DERA: variants seen among roughly 807,000 people sequenced by gnomAD.
DERA encodes the protein 2-deoxy-D-ribose 5-phosphate aldolase.
DERA carries 15 observed loss-of-function variants against 41.1 expected under a neutral mutation model. That is an observed-to-expected ratio of 0.37 (90% confidence interval 0.24 to 0.56). The LOEUF (loss-of-function observed/expected upper bound fraction) is 0.56. DERA is among the 20% of genes least tolerant of loss of function. DERA has a pLI of 0.81. For missense variants in DERA, 396 were observed against 403.4 expected, an observed-to-expected ratio of 0.98 and a Z score of 0.16; for synonymous variants, 139 against 137.4, an observed-to-expected ratio of 1.01 and a Z score of -0.08.
rs561920974 is a variant in DERA, at chr12:15,985,350, G to C, written c.637+2914G>C. ...GTATTTCACTGTGTAAGTATACTGA[G>C]TTGCTAAAATTGTTGGCATAATGTT... On this transcript the variant is annotated intron_variant, in intron 6 of 8. Coordinates refer to ENST00000428559, the MANE Select transcript of DERA (RefSeq NM_015954.4). This position sits in a 1 kb window ranked among gnomAD's most constrained non-coding sequence, Gnocchi z 4.2. The C allele has an allele frequency of 6.6e-6, 1 of 152,290 alleles. No individual in the cohort carries two copies. The highest frequency in any genetic ancestry group is 1.5e-5 in the Non-Finnish European group (1 of 68,024). The allele number at this position is 152,290 out of a possible 1,614,324, so 9.4% of individuals were successfully genotyped here.
intron 5 of DERA, among the ~76,000 whole-genome samples, chr12:15,978,433 T>A (rs1199818079): frequency 6.6e-6 from 1 of 152,244 alleles, no homozygotes; most frequent in Non-Finnish European, 1.5e-5. Context: ...TAGTATTGAA[T>A]GATTAACTGC....
rs1278189460 is a variant in DERA, at chr12:15,931,024, A to T, written c.31+19610A>T. On this transcript the variant is annotated intron_variant, in intron 1 of 8. Transcript: ENST00000428559. The surrounding 1 kb of genome is among the most constrained non-coding windows in gnomAD (Gnocchi z 4.6). Reference sequence around the variant, plus strand: ...TTGTTTCTTCTTTTTTTGAGAGCTTAATATACTTATTTAAATTTAAATGAA... The same window carrying T: ...TTGTTTCTTCTTTTTTTGAGAGCTTTATATACTTATTTAAATTTAAATGAA... 6.6e-6 allele frequency among the ~76,000 whole-genome samples: 1 copy of T among 152,216 alleles called. No individual in the cohort carries two copies. Among genetic ancestry groups the T allele is most frequent in the Non-Finnish European group, 1.5e-5 (1 of 68,040 alleles).
chr12:15,926,626 C>A (rs189927678), intron 1 of DERA, among the ~76,000 whole-genome samples: 3,314 of 151,698 alleles, frequency 0.022, 136 homozygotes, highest in African/African-American at 0.076. Context: ...GTCCCAGCTA[C>A]TCGGGAGGCT....
At chr12:15,960,661 A>AAAAAAC (rs1565596964) in intron 4 of DERA, among the ~76,000 whole-genome samples, 2 of 150,760 alleles carry the variant, frequency 1.3e-5, no homozygotes, top group Admixed American at 6.6e-5. Context: ...AAAAAAAAAA[A>AAAAAAC]AACAACGATA....
intron 5 of DERA, among the ~76,000 whole-genome samples, chr12:15,971,642 G>A (rs776326089): frequency 2.5e-4 from 38 of 150,732 alleles, no homozygotes; most frequent in Non-Finnish European, 5.0e-4. Context: ...TCAGCGTCCC[G>A]AGTAGCTGGA....
At chr12:15,919,970 A>G (rs1031021912) in intron 1 of DERA, among the ~76,000 whole-genome samples, 24 of 148,166 alleles carry the variant, frequency 1.6e-4, no homozygotes, top group Non-Finnish European at 4.5e-5. Context: ...TGAGAAAGAA[A>G]TGTGTGTGTG....
intron 6 of DERA, among the ~76,000 whole-genome samples, chr12:16,002,560 C>T (rs749557678): frequency 1.3e-5 from 2 of 151,942 alleles, no homozygotes; most frequent in South Asian, 2.1e-4. Flanking sequence ...TTTATAGTCA[C>T]GTACTCATCT....
At position 16,003,699 on chromosome 12, in the gene DERA, T is replaced by G. The variant is rs557871715; in HGVS notation, c.637+21263T>G. On this transcript the variant is annotated intron_variant, in intron 6 of 8. Coordinates refer to ENST00000428559, the MANE Select transcript of DERA (RefSeq NM_015954.4). The surrounding 1 kb of genome is among the most constrained non-coding windows in gnomAD (Gnocchi z 4.8). ...TTGGGGGAGCGCCAGGAAACAAGAGTGTCAATTTCTGGCTCATGAGTGAGA... is the reference window on the plus strand; with the variant it reads ...TTGGGGGAGCGCCAGGAAACAAGAGGGTCAATTTCTGGCTCATGAGTGAGA... Among the ~76,000 whole-genome samples the G allele has an allele frequency of 6.6e-6, 1 of 151,828 alleles. No homozygotes were observed. The highest frequency in any genetic ancestry group is 2.1e-4 in the South Asian group (1 of 4,800).
intron 1 of DERA, among the ~76,000 whole-genome samples, chr12:15,951,986 C>A (rs1379822951): frequency 6.6e-6 from 1 of 151,970 alleles, no homozygotes; most frequent in Non-Finnish European, 1.5e-5. Context: ...ACTGCAACCT[C>A]CGCCTCCCAG....
chr12:15,955,268 CA>C (rs1231153101), intron 1 of DERA, among the ~76,000 whole-genome samples: 1 of 151,164 alleles, frequency 6.6e-6, no homozygotes, highest in African/African-American at 2.4e-5. Flanking sequence ...CACTGCATTC[CA>C]GCCTGGGCGA....
rs147205901 is a variant in DERA, at chr12:15,952,521, A to C, written c.32-4415A>C. On this transcript the variant is annotated intron_variant, in intron 1 of 8. Transcript: ENST00000428559. ...GACATGGAGTCATTTTAAATTTTCA[A>C]GTGTACACATTATAAAAAAAATAAA... Among the ~76,000 whole-genome samples the C allele has an allele frequency of 2.0e-5, 3 of 152,334 alleles. No individual in the cohort carries two copies. The East Asian group carries it at 5.8e-4, about 29-fold the overall frequency.
chr12:16,027,932 T>G (rs968380574), intron 6 of DERA, among the ~76,000 whole-genome samples: 2 of 152,238 alleles, frequency 1.3e-5, no homozygotes, highest in Admixed American at 1.3e-4. Flanking sequence ...AGCAGCAGTG[T>G]ACAATTGGAA....
chr12:15,952,442 A>G (rs1432368990), intron 1 of DERA, among the ~76,000 whole-genome samples: 1 of 152,180 alleles, frequency 6.6e-6, no homozygotes, highest in Non-Finnish European at 1.5e-5. Flanking sequence ...ACTTCTGGTC[A>G]CCTGTATCAT....
intron 1 of DERA, among the ~76,000 whole-genome samples, chr12:15,932,466 A>C (rs1261757685): frequency 6.6e-6 from 1 of 152,108 alleles, no homozygotes; most frequent in Non-Finnish European, 1.5e-5. Flanking sequence ...TCTGCACAAC[A>C]TGACAAAACC....
At chr12:15,975,915 A>G (rs1948693997) in intron 5 of DERA, among the ~76,000 whole-genome samples, 1 of 152,150 alleles carries the variant, frequency 6.6e-6, no homozygotes, top group Admixed American at 6.5e-5. Flanking sequence ...GATTAACTGT[A>G]TTTAGAAACC....
chr12:15,958,391 A>C, intron 3 of DERA, 56 bp downstream of exon 3: 1 of 1,410,182 alleles, frequency 7.1e-7, no homozygotes, highest in Non-Finnish European at 9.4e-7. Flanking sequence ...ACTGATTACT[A>C]AATCAAAGAC....
In DERA at chr12:15,963,267, A is replaced by G. The variant is rs1006168552; in HGVS notation, c.508+320A>G. On this transcript the variant is annotated intron_variant, in intron 5 of 8. Coordinates refer to ENST00000428559, the MANE Select transcript of DERA (RefSeq NM_015954.4). ...TCTTCAGAAGGGAAAAGTTACTACT[A>G]TTCTATACTGTTTTGTTACTCAATA... Among the ~76,000 whole-genome samples, 28 of 152,316 alleles carry G rather than the reference A, an allele frequency of 1.8e-4. 1 individual carries two copies. The highest frequency in any genetic ancestry group is 3.4e-3 in the Middle Eastern group (1 of 294).
chr12:15,958,708 A>G (rs1365350211), intron 3 of DERA, among the ~76,000 whole-genome samples: 2 of 152,040 alleles, frequency 1.3e-5, no homozygotes, highest in African/African-American at 4.8e-5. Context: ...TCTCATACAT[A>G]AAGTATTTTC....
Position 15,999,170 on chromosome 12 carries a change from C to T in DERA, c.637+16734C>T, listed in dbSNP as rs1948858927. The stretch of plus-strand genomic sequence containing the variant: ...AGGAGGCCAATCAAGAACAGAAGGG[C>T]CAGGGTTCTCTGCCATCAGTACCTG... On this transcript the variant is annotated intron_variant, in intron 6 of 8. Coordinates refer to ENST00000428559, the MANE Select transcript of DERA (RefSeq NM_015954.4). The surrounding 1 kb of genome is among the most constrained non-coding windows in gnomAD (Gnocchi z 5.3). Among the ~76,000 whole-genome samples, 1 of 152,054 alleles carries T rather than the reference C, an allele frequency of 6.6e-6. No homozygotes were observed. Among genetic ancestry groups the T allele is most frequent in the African/African-American group, 2.4e-5 (1 of 41,404 alleles).
Sources: allele counts gnomAD v4.1 joint callset (sites outside exome capture counted in the v4.1 genomes callset), GRCh38; gene constraint gnomAD v4.1.1; non-coding constraint Gnocchi (gnomAD v3.1); transcripts MANE v1.5; gene names NCBI Gene and HGNC (gene_info 2026-07-23, HGNC 2026-07-21).